The following PDXDC1 variants were observed in gnomAD, a reference collection of about 807,000 sequenced individuals.
PDXDC1 encodes pyridoxal-dependent decarboxylase domain-containing protein 1.
In PDXDC1, 42 loss-of-function variants were observed where a neutral mutation model predicts 100.1. The ratio of observed to expected loss-of-function variants is 0.42; its 90% CI spans 0.33 to 0.54. The LOEUF (loss-of-function observed/expected upper bound fraction) is 0.54, where lower values mean the gene tolerates loss of function less well. PDXDC1 is among the 20% of genes least tolerant of loss of function. The probability of loss-of-function intolerance (pLI) is 0.10; values close to 1 mark genes in which losing one functional copy is unlikely to be tolerated. For missense variants in PDXDC1, 636 were observed against 979.2 expected, an observed-to-expected ratio of 0.65 and a Z score of 4.68; for synonymous variants, 260 against 371.7, an observed-to-expected ratio of 0.70 and a Z score of 3.46.
chr16:15,104,421 T>G, intron 16 of PDXDC1: 1 of 1,444,270 alleles, frequency 6.9e-7, no homozygotes, highest in Non-Finnish European at 9.1e-7. Flanking sequence ...GTCTTGAGAT[T>G]ATCATCCGCT....
At chr16:15,074,468 A>G (rs1408471542) in intron 16 of PDXDC1, among the ~76,000 whole-genome samples, 1 of 152,248 alleles carries the variant, frequency 6.6e-6, no homozygotes, top group Non-Finnish European at 1.5e-5. Flanking sequence ...AAAACTGGCC[A>G]AACTCCATAT....
At chr16:15,055,022 C>G (rs1038110663) in intron 16 of PDXDC1, among the ~76,000 whole-genome samples, 1 of 152,128 alleles carries the variant, frequency 6.6e-6, no homozygotes, top group Admixed American at 6.5e-5. Flanking sequence ...AGAAACCATT[C>G]TCCCTTCTAG....
intron 16 of PDXDC1, among the ~76,000 whole-genome samples, chr16:15,054,638 G>A (rs1321772823): frequency 6.6e-6 from 1 of 152,178 alleles, no homozygotes; most frequent in African/African-American, 2.4e-5. Context: ...AGAGCTGTCT[G>A]CCTTCTCCCC....
intron 6 of PDXDC1, 126 bp downstream of exon 6, chr16:15,006,709 T>C (rs1192600640): frequency 7.7e-6 from 7 of 908,560 alleles, no homozygotes; most frequent in Non-Finnish European, 1.1e-5. Flanking sequence ...CTTATATGCT[T>C]TTGTCATATT....
downstream of PDXDC1, chr16:15,041,695 G>C: frequency 1.3e-6 from 2 of 1,590,660 alleles, no homozygotes; most frequent in Non-Finnish European, 1.7e-6. Context: ...AGAATTTTAA[G>C]ACCAGAAGTC....
In PDXDC1 at chr16:15,038,026, G is replaced by GTTT. The variant is rs762768026; in HGVS notation, c.*1755_*1757dup. On this transcript the variant is annotated 3_prime_UTR_variant, in exon 23 of 23. Transcript: ENST00000396410. Reference sequence around the variant, plus strand: ...GAAGGTGCTTTCTTTGGTAATTCATGTTTTTTAACTTCCTGGAGAAGAGAT... The same window carrying GTTT: ...GAAGGTGCTTTCTTTGGTAATTCATGTTTTTTTTTAACTTCCTGGAGAAGAGAT... 6.8e-6 allele frequency: 11 copies of GTTT among 1,607,748 alleles called. No individual in the cohort carries two copies. Among genetic ancestry groups the GTTT allele is most frequent in the Non-Finnish European group, 8.5e-6 (10 of 1,177,090 alleles).
chr16:14,993,040 C>G (rs1971190586), intron 1 of PDXDC1, among the ~76,000 whole-genome samples: 1 of 152,228 alleles, frequency 6.6e-6, no homozygotes, highest in Non-Finnish European at 1.5e-5. Flanking sequence ...CTATGTTGCC[C>G]AAGCTGATCT....
chr16:15,015,347 G>C (rs2041708036), intron 8 of PDXDC1, among the ~76,000 whole-genome samples: 1 of 152,276 alleles, frequency 6.6e-6, no homozygotes, highest in Admixed American at 6.5e-5. Context: ...CTGACAAAAT[G>C]AAAGTACCAT....
the PDXDC1 span, among the ~76,000 whole-genome samples, chr16:15,147,944 C>G: frequency 1.3e-5 from 2 of 151,982 alleles, no homozygotes; most frequent in Admixed American, 1.3e-4. Flanking sequence ...CTTGGCCTCC[C>G]AAAGTGCTGA....
chr16:15,039,773 T>A (rs1597749847), downstream of PDXDC1, among the ~76,000 whole-genome samples: 1 of 152,312 alleles, frequency 6.6e-6, no homozygotes, highest in Middle Eastern at 3.4e-3. Context: ...GAACTGGAGC[T>A]GATGACCTAA....
rs2041776987 is a variant in PDXDC1, at chr16:15,016,113, A to C, written c.728-16A>C. ...AACATTTGTTCCTTTTAATGCCCTGATGTGTTTTATCCTAGGAACGGCAGC... is the reference window on the plus strand; with the variant it reads ...AACATTTGTTCCTTTTAATGCCCTGCTGTGTTTTATCCTAGGAACGGCAGC... On this transcript the variant is annotated splice_polypyrimidine_tract_variant and intron_variant, in intron 8 of 22. Transcript: ENST00000396410. 6.2e-7 allele frequency: 1 copy of C among 1,614,086 alleles called. No individual in the cohort carries two copies. Among genetic ancestry groups the C allele is most frequent in the Non-Finnish European group, 8.5e-7 (1 of 1,179,888 alleles).
intron 16 of PDXDC1, among the ~76,000 whole-genome samples, chr16:15,082,673 C>G (rs370630570): frequency 4.0e-5 from 6 of 151,398 alleles, no homozygotes; most frequent in Non-Finnish European, 7.4e-5. Context: ...ACTGTCCCCC[C>G]ACCCCTGAAA....
chr16:15,043,636 TTC>T (rs1419801705), intron 16 of PDXDC1, among the ~76,000 whole-genome samples: 1 of 152,220 alleles, frequency 6.6e-6, no homozygotes, highest in Non-Finnish European at 1.5e-5. Context: ...AATGTTTTCT[TTC>T]TTTCTTTTTT....
At chr16:15,146,341 C>T in the PDXDC1 span, among the ~76,000 whole-genome samples, 1 of 152,194 alleles carries the variant, frequency 6.6e-6, no homozygotes, top group South Asian at 2.1e-4. Context: ...CACCACCTAA[C>T]AGCAAGGATG....
At chr16:15,124,826 A>G (rs1314175257) in intron 16 of PDXDC1, among the ~76,000 whole-genome samples, 3 of 151,192 alleles carry the variant, frequency 2.0e-5, no homozygotes, top group Admixed American at 6.6e-5. Context: ...ATGGAATTCA[A>G]TTCTTTTTAT....
At chr16:15,033,105 T>C (rs2043167394) in intron 18 of PDXDC1, 126 bp downstream of exon 18, 1 of 958,270 alleles carries the variant, frequency 1.0e-6, no homozygotes, top group Admixed American at 1.9e-5. Context: ...GAAGATGCGG[T>C]TCTGAGACCT....
chr16:15,013,780 C>G (rs554210512), intron 8 of PDXDC1, among the ~76,000 whole-genome samples: 588 of 150,620 alleles, frequency 3.9e-3, no homozygotes, highest in African/African-American at 0.014. Context: ...GAGGCTGAGG[C>G]AGGAAAATCG....
chr16:15,077,457 T>G (rs919099233), intron 16 of PDXDC1, among the ~76,000 whole-genome samples: 1 of 152,040 alleles, frequency 6.6e-6, no homozygotes, highest in Non-Finnish European at 1.5e-5. Flanking sequence ...TCTTCCTCAT[T>G]TTCTCTTGCC....
intron 16 of PDXDC1, among the ~76,000 whole-genome samples, chr16:15,067,935 T>G (rs2045047124): frequency 6.6e-6 from 1 of 151,888 alleles, no homozygotes; most frequent in Admixed American, 6.6e-5. Flanking sequence ...TTTTTAAAAT[T>G]TTTTTGTAGA....
Sources: allele counts gnomAD v4.1 joint callset (sites outside exome capture counted in the v4.1 genomes callset), GRCh38; gene constraint gnomAD v4.1.1; transcripts MANE v1.5; gene names NCBI Gene and HGNC (gene_info 2026-07-23, HGNC 2026-07-21).